Variants in DNAH3 observed in about 807,000 individuals in gnomAD.
DNAH3 encodes axonemal beta dynein heavy chain 3.
A neutral mutation model predicts 432.5 loss-of-function variants in DNAH3; 332 were observed. That is an observed-to-expected ratio of 0.77 (90% CI 0.70 to 0.84). The LOEUF (loss-of-function observed/expected upper bound fraction) is 0.84. DNAH3 is among the 40% of genes least tolerant of loss of function. The pLI is 0.00. For missense variants in DNAH3, 4,861 were observed against 5,114.0 expected (o/e 0.95, Z 1.51); for synonymous variants, 1,956 against 1,900.2 (o/e 1.03, Z -0.76).
At chr16:21,104,221 C>A in intron 16 of DNAH3, 1 of 363,366 alleles carries the variant, frequency 2.8e-6, no homozygotes, top group South Asian at 4.4e-5. Context: ...TCTCTCTGCA[C>A]CACCAAATTC....
At chr16:21,041,861 T>G (rs1597218236) in intron 32 of DNAH3, among the ~76,000 whole-genome samples, 166 bp downstream of exon 32, 1 of 152,076 alleles carries the variant, frequency 6.6e-6, no homozygotes, top group East Asian at 1.9e-4. Flanking sequence ...TTAGTAGAGA[T>G]GGGGTTTCAC....
chr16:20,983,859 T>G (rs2086037966), intron 48 of DNAH3, among the ~76,000 whole-genome samples: 1 of 151,574 alleles, frequency 6.6e-6, no homozygotes, highest in Non-Finnish European at 1.5e-5. Flanking sequence ...GTCCCCTATC[T>G]CTACAAAAAT....
chr16:21,062,474 G>A lies in DNAH3; in HGVS notation c.3720+8C>T. 1 of 1,613,560 alleles carries A rather than the reference G, an allele frequency of 6.2e-7. No homozygotes were observed. The highest frequency in any genetic ancestry group is 8.5e-7 in the Non-Finnish European group (1 of 1,179,466). ...AGAAAAGAACCAAAAATGGGTAAGA[G>A]GAGTTACCTTGGCATTAGCTGGGTA... On this transcript the variant is annotated splice_region_variant and intron_variant, in intron 25 of 61. Transcript: ENST00000261383.
chr16:20,964,817 G>T, exon 53 of DNAH3: 1 of 1,614,150 alleles, frequency 6.2e-7, no homozygotes, highest in Non-Finnish European at 8.5e-7. Context: ...GCCAACCACT[G>T]ATTTTGGCAC....
chr16:21,120,938 A>C, intron 10 of DNAH3: 1 of 1,018,010 alleles, frequency 9.8e-7, no homozygotes, highest in Non-Finnish European at 1.5e-6. Flanking sequence ...AGAGCTGCCC[A>C]GTGTTTCTTC....
At chr16:21,141,228 G>A in intron 4 of DNAH3, 72 bp downstream of exon 5, 1 of 1,030,752 alleles carries the variant, frequency 9.7e-7, no homozygotes, top group Non-Finnish European at 1.5e-6. Flanking sequence ...GCAGAGTGTG[G>A]CTTTAGTGAG....
intron 48 of DNAH3, chr16:20,985,059 G>A: frequency 6.2e-7 from 1 of 1,603,370 alleles, no homozygotes; most frequent in Non-Finnish European, 8.5e-7. Context: ...CGAGGACAAT[G>A]TGAAGGTTCT....
At chr16:21,067,195 T>C (rs2090583398) in intron 24 of DNAH3, 88 bp downstream of exon 24, 10 of 1,490,034 alleles carry the variant, frequency 6.7e-6, no homozygotes, top group Non-Finnish European at 9.3e-6. Flanking sequence ...ACTAGATTGG[T>C]TGAAGCCAAC....
At chr16:21,111,374 A>G (rs949584612) in intron 14 of DNAH3, among the ~76,000 whole-genome samples, 1 of 152,184 alleles carries the variant, frequency 6.6e-6, no homozygotes, top group Non-Finnish European at 1.5e-5. Context: ...GCAAGAAGAC[A>G]AAAGCTTCAG....
At chr16:21,100,801 ACAT>A (rs2091818738) in intron 16 of DNAH3, among the ~76,000 whole-genome samples, 1 of 152,188 alleles carries the variant, frequency 6.6e-6, no homozygotes, top group African/African-American at 2.4e-5. Flanking sequence ...GTGCCTTTTC[ACAT>A]CATTAAATTC....
chr16:20,982,630 G>A (rs953604579), intron 49 of DNAH3, 91 bp downstream of exon 49: 1 of 1,064,686 alleles, frequency 9.4e-7, no homozygotes, highest in African/African-American at 1.6e-5. Context: ...TATACAAATT[G>A]AGAAATCTTC....
At chr16:21,123,993 A>AT (rs61138692) in intron 9 of DNAH3, among the ~76,000 whole-genome samples, 42,757 of 151,812 alleles carry the variant, frequency 0.28, 6,130 homozygotes, top group African/African-American at 0.33. Context: ...GGGTTTCACC[A>AT]GTCGACCAGG....
chr16:21,092,827 A>G (rs2152786366), intron 18 of DNAH3, among the ~76,000 whole-genome samples: 1 of 152,272 alleles, frequency 6.6e-6, no homozygotes, highest in South Asian at 2.1e-4. Context: ...AGCTCTGAAC[A>G]AATACCTAAT....
intron 57 of DNAH3, among the ~76,000 whole-genome samples, chr16:20,948,229 C>T (rs551567885): frequency 5.9e-5 from 9 of 152,314 alleles, no homozygotes; most frequent in South Asian, 2.1e-4. Flanking sequence ...TCTTAATCAT[C>T]GTTCTCTCTC....
Position 20,963,629 on chromosome 16 carries a change from C to T in DNAH3, c.10255G>A (p.Ala3419Thr), listed in dbSNP as rs769116142. 1.3e-4 allele frequency: 204 copies of T among 1,613,888 alleles called. No individual in the cohort carries two copies. Among genetic ancestry groups the T allele is most frequent in the Non-Finnish European group, 1.7e-4 (198 of 1,180,008 alleles). ...GATGCACGGACAATCTCTGCCCATGCCTTCTCAGACAGCCATTGGGGAGCT... is the reference window on the plus strand; with the variant it reads ...GATGCACGGACAATCTCTGCCCATGTCTTCTCAGACAGCCATTGGGGAGCT... Residue 3419 changes from alanine (A) to threonine (T), a missense_variant, in exon 53 of 62, where the codon GCA becomes ACA. Transcript: ENST00000261383.
intron 1 of DNAH3, among the ~76,000 whole-genome samples, chr16:21,151,837 A>T (rs1454322911): frequency 6.6e-6 from 1 of 152,144 alleles, no homozygotes; most frequent in East Asian, 1.9e-4. Context: ...ACCAAGTTAG[A>T]CTTAATGAGT....
At chr16:21,053,820 A>G (rs554548443) in intron 28 of DNAH3, among the ~76,000 whole-genome samples, 1 of 151,852 alleles carries the variant, frequency 6.6e-6, no homozygotes, top group African/African-American at 2.4e-5. Context: ...TAAAGACCCC[A>G]GTTTTTCCTC....
intron 48 of DNAH3, among the ~76,000 whole-genome samples, chr16:20,984,029 G>GAAAAAAGAAAAA (rs2086051499): frequency 4.5e-5 from 5 of 112,140 alleles, no homozygotes; most frequent in African/African-American, 1.7e-4. Flanking sequence ...CCTATATCCA[G>GAAAAAAGAAAAA]AAAAAAAAAA....
chr16:21,097,144 G>GT (rs2091705581), intron 18 of DNAH3, among the ~76,000 whole-genome samples: 2 of 152,066 alleles, frequency 1.3e-5, no homozygotes, highest in Admixed American at 6.6e-5. Context: ...TGCCTATTGT[G>GT]TTTTACCCTG....
Sources: gnomAD v4.1 joint callset for allele counts (sites outside exome capture counted in the v4.1 genomes callset) on GRCh38, gnomAD v4.1.1 for gene constraint, MANE v1.5 for transcripts, NCBI Gene and HGNC (gene_info 2026-07-23, HGNC 2026-07-21) for gene names.